Variants in PCDH15 observed in about 807,000 individuals in gnomAD.
PCDH15 encodes protocadherin related 15, also known as protocadherin-15.
Under a neutral mutation model 178.5 loss-of-function variants are expected in PCDH15, and 129 were observed. That is an observed-to-expected ratio of 0.72 (90% CI 0.63 to 0.84). The LOEUF is 0.84. Ranked by LOEUF, PCDH15 falls within the 40% of genes least tolerant of loss-of-function variation. The pLI is 0.00. For missense variants in PCDH15, 2,230 were observed against 2,099.9 expected, an observed-to-expected ratio of 1.06 and a Z score of -1.21; for synonymous variants, 800 against 732.0, an observed-to-expected ratio of 1.09 and a Z score of -1.50.
At chr10:54,760,890 TA>T (rs1217306293) in intron 1 of PCDH15, among the ~76,000 whole-genome samples, 1 of 152,120 alleles carries the variant, frequency 6.6e-6, no homozygotes, top group Admixed American at 6.6e-5. Flanking sequence ...GATAGAATAA[TA>T]AACATGCTAC....
At chr10:54,471,847 A>T (rs1354281118) in intron 3 of PCDH15, among the ~76,000 whole-genome samples, 1 of 152,168 alleles carries the variant, frequency 6.6e-6, no homozygotes, top group Non-Finnish European at 1.5e-5. Flanking sequence ...ATACTGCAAA[A>T]TACTTTTAAA....
At chr10:53,978,457 T>C (rs1257319861) in intron 21 of PCDH15, among the ~76,000 whole-genome samples, 1 of 152,066 alleles carries the variant, frequency 6.6e-6, no homozygotes, top group Non-Finnish European at 1.5e-5. Flanking sequence ...CCTGAGGCTA[T>C]ACACAGCAGG....
At chr10:54,961,213 G>T (rs963026310) in intron 2 of PCDH15, among the ~76,000 whole-genome samples, 1 of 152,200 alleles carries the variant, frequency 6.6e-6, no homozygotes, top group African/African-American at 2.4e-5. Flanking sequence ...GGGTGCTGCT[G>T]TGACCTGGCC....
chr10:55,260,747 T>C (rs1451659656), intron 1 of PCDH15, among the ~76,000 whole-genome samples: 1 of 152,180 alleles, frequency 6.6e-6, no homozygotes, highest in Non-Finnish European at 1.5e-5. Flanking sequence ...TTAACCCAAG[T>C]TCATCCTACC....
intron 1 of PCDH15, among the ~76,000 whole-genome samples, chr10:54,723,309 A>G (rs1941951075): frequency 6.6e-6 from 1 of 151,728 alleles, no homozygotes; most frequent in African/African-American, 2.4e-5. Flanking sequence ...AAGATGCTCT[A>G]TTCAATAAAT....
intron 2 of PCDH15, among the ~76,000 whole-genome samples, chr10:54,935,181 G>A (rs543978443): frequency 6.6e-6 from 1 of 151,880 alleles, no homozygotes; most frequent in Non-Finnish European, 1.5e-5. Flanking sequence ...GTATACATAT[G>A]TAACTAACCT....
At chr10:55,239,497 C>T (rs1841485544) in intron 1 of PCDH15, among the ~76,000 whole-genome samples, 1 of 152,098 alleles carries the variant, frequency 6.6e-6, no homozygotes, top group South Asian at 2.1e-4. Flanking sequence ...TATCCACATG[C>T]AGAAGAGTGA....
At chr10:53,873,654 A>C (rs2080025299) in intron 26 of PCDH15, among the ~76,000 whole-genome samples, 1 of 152,234 alleles carries the variant, frequency 6.6e-6, no homozygotes, top group African/African-American at 2.4e-5. Context: ...AAAATATTCT[A>C]AGAAATCTTC....
chr10:54,509,277 T>G (rs1417485622), intron 3 of PCDH15, among the ~76,000 whole-genome samples: 1 of 152,132 alleles, frequency 6.6e-6, no homozygotes, highest in South Asian at 2.1e-4. Flanking sequence ...ATGGGGGTGG[T>G]TTCCCCCATA....
intron 3 of PCDH15, among the ~76,000 whole-genome samples, chr10:54,860,655 G>T (rs2131779829): frequency 6.6e-6 from 1 of 152,116 alleles, no homozygotes; most frequent in South Asian, 2.1e-4. Context: ...TTTTTCTTGG[G>T]GTGTATACCC....
intron 3 of PCDH15, among the ~76,000 whole-genome samples, chr10:54,397,581 T>C (rs1951407477): frequency 6.6e-6 from 1 of 152,038 alleles, no homozygotes; most frequent in South Asian, 2.1e-4. Flanking sequence ...GGATTCATAT[T>C]GGAACTTAAT....
At chr10:54,055,473 G>A (rs535545085) in intron 18 of PCDH15, among the ~76,000 whole-genome samples, 2 of 152,306 alleles carry the variant, frequency 1.3e-5, no homozygotes, top group South Asian at 2.1e-4. Context: ...TTAACAGGCA[G>A]TATAGTTTCC....
intron 2 of PCDH15, among the ~76,000 whole-genome samples, chr10:55,559,546 T>C (rs1432271172): frequency 6.6e-6 from 1 of 151,998 alleles, no homozygotes; most frequent in African/African-American, 2.4e-5. Flanking sequence ...CGGAGCATTA[T>C]TTACTTTATC....
At position 55,445,947 on chromosome 10, in the gene PCDH15, G is replaced by T. The variant is rs544579326; in HGVS notation, c.-156+181678C>A. Among the ~76,000 whole-genome samples the T allele has an allele frequency of 3.5e-4, 53 of 152,142 alleles. No homozygotes were observed. The South Asian group carries it at 0.011, about 30-fold the overall frequency. ...AGAAACACCAGACACAGATGAGAGTGGTAAGTGGGGACATACTAGAAACAA... is the reference window on the plus strand; with the variant it reads ...AGAAACACCAGACACAGATGAGAGTTGTAAGTGGGGACATACTAGAAACAA... On this transcript the variant is annotated intron_variant, in intron 2 of 5. Transcript: ENST00000613346.
intron 2 of PCDH15, among the ~76,000 whole-genome samples, chr10:55,477,320 G>A (rs559362587): frequency 6.6e-6 from 1 of 151,922 alleles, no homozygotes; most frequent in East Asian, 2.0e-4. Context: ...CCTCAGGCTG[G>A]GTTTGAGCAA....
At chr10:54,288,621 G>C (rs946283621) in intron 8 of PCDH15, among the ~76,000 whole-genome samples, 1 of 152,196 alleles carries the variant, frequency 6.6e-6, no homozygotes, top group Non-Finnish European at 1.5e-5. Context: ...AAGGGAAGAT[G>C]TGACATACTG....
rs1280142454 is a variant in PCDH15, at chr10:54,741,194, CTCTT to C, written c.-29+59727_-29+59730del. The stretch of plus-strand genomic sequence containing the variant: ...ATAAACAGAAATATATTTATACATT[CTCTT>C]TTTTATATACTAATATTTAAAACTA... On this transcript the variant is annotated intron_variant, in intron 1 of 37. Coordinates refer to ENST00000644397, the MANE Select transcript of PCDH15 (RefSeq NM_001384140.1). Among the ~76,000 whole-genome samples, 6 of 146,822 alleles carry C rather than the reference CTCTT, an allele frequency of 4.1e-5. No individual in the cohort carries two copies. The South Asian group carries it at 1.3e-3, about 31-fold the overall frequency.
intron 2 of PCDH15, among the ~76,000 whole-genome samples, chr10:55,006,523 G>T (rs780171336): frequency 2.0e-5 from 3 of 152,170 alleles, no homozygotes; most frequent in Non-Finnish European, 4.4e-5. Flanking sequence ...AGAGTCAAGA[G>T]AAATTATATT....
At position 55,327,309 on chromosome 10, in the gene PCDH15, A is replaced by G. The variant is rs374134556; in HGVS notation, c.-155-160658T>C. Among the ~76,000 whole-genome samples the G allele has an allele frequency of 1.4e-3, 208 of 152,200 alleles. 1 individual carries two copies. The highest frequency in any genetic ancestry group is 4.9e-3 in the African/African-American group (204 of 41,554). On this transcript the variant is annotated intron_variant, in intron 2 of 5. Coordinates refer to the PCDH15 transcript ENST00000613346. ...GAGTCTTCAAAATTGTGAGAAATAA[A>G]TTTCTTCTGTTTATAAGTCATTTAG...
Sources: gnomAD v4.1 joint callset for allele counts (sites outside exome capture counted in the v4.1 genomes callset) on GRCh38, gnomAD v4.1.1 for gene constraint, MANE v1.5 for transcripts, NCBI Gene and HGNC (gene_info 2026-07-23, HGNC 2026-07-21) for gene names.